PDE4D: variants seen among roughly 807,000 people sequenced by gnomAD.
PDE4D encodes 3',5'-cyclic-AMP phosphodiesterase 4D.
In PDE4D, 24 loss-of-function variants were observed where a neutral mutation model predicts 87.4. That is an observed-to-expected ratio of 0.27 (90% CI 0.20 to 0.39). The LOEUF (loss-of-function observed/expected upper bound fraction) is 0.39, where lower values mean the gene tolerates loss of function less well. Ranked by LOEUF, PDE4D falls within the 10% of genes least tolerant of loss-of-function variation. The probability of loss-of-function intolerance (pLI) is 1.00; values close to 1 mark genes in which losing one functional copy is unlikely to be tolerated. For missense variants in PDE4D, 714 were observed against 1,041.0 expected (o/e 0.69, Z 4.32); for synonymous variants, 384 against 383.2 (o/e 1.00, Z -0.02).
upstream of PDE4D, among the ~76,000 whole-genome samples, chr5:59,893,989 C>T (rs1751364831): frequency 6.6e-6 from 1 of 152,118 alleles, no homozygotes; most frequent in African/African-American, 2.4e-5. Flanking sequence ...GGATTGTCAG[C>T]AACTCGGGCT....
chr5:59,752,304 G>A (rs1301461727), intron 1 of PDE4D, among the ~76,000 whole-genome samples: 4 of 152,108 alleles, frequency 2.6e-5, no homozygotes, highest in Non-Finnish European at 5.9e-5. Flanking sequence ...TCTTTCAAGA[G>A]GTCTTTTTGT....
intron 5 of PDE4D, among the ~76,000 whole-genome samples, chr5:59,073,434 A>T (rs548972403): frequency 1.3e-5 from 2 of 149,532 alleles, no homozygotes; most frequent in South Asian, 4.3e-4. Context: ...TATGGCAGGT[A>T]CAAAAATGTG....
intron 1 of PDE4D, among the ~76,000 whole-genome samples, chr5:59,844,247 G>A (rs1172372957): frequency 2.0e-5 from 3 of 151,970 alleles, no homozygotes; most frequent in Admixed American, 6.6e-5. Context: ...GCAAATTTTA[G>A]AACTAAGAAA....
chr5:59,275,398 C>T (rs757734309), intron 1 of PDE4D: 1 of 1,595,778 alleles, frequency 6.3e-7, no homozygotes, highest in Admixed American at 1.7e-5. Context: ...CATAATAATG[C>T]TCATTTTGAA....
intron 2 of PDE4D, among the ~76,000 whole-genome samples, chr5:60,115,769 A>G (rs913564779): frequency 2.6e-5 from 4 of 152,142 alleles, no homozygotes; most frequent in African/African-American, 4.8e-5. Context: ...ACACAATTCC[A>G]TTGTATTATA....
At chr5:59,534,208 T>C (rs1814729534) in intron 1 of PDE4D, among the ~76,000 whole-genome samples, 1 of 152,202 alleles carries the variant, frequency 6.6e-6, no homozygotes, top group Non-Finnish European at 1.5e-5. Flanking sequence ...TGCTCTAAAA[T>C]TTTATTGGCA....
At chr5:60,471,088 T>G (rs1220040123) in intron 1 of PDE4D, among the ~76,000 whole-genome samples, 1 of 152,070 alleles carries the variant, frequency 6.6e-6, no homozygotes, top group Non-Finnish European at 1.5e-5. Flanking sequence ...TCATGACTCA[T>G]GGGAGGAGGC....
At chr5:59,644,821 T>C (rs1197248349) in intron 1 of PDE4D, among the ~76,000 whole-genome samples, 2 of 152,252 alleles carry the variant, frequency 1.3e-5, no homozygotes, top group Non-Finnish European at 2.9e-5. Context: ...TTCAGTGAAT[T>C]GGGCTTTCAT....
intron 1 of PDE4D, among the ~76,000 whole-genome samples, chr5:59,389,627 A>G (rs912448931): frequency 1.4e-4 from 22 of 152,178 alleles, no homozygotes; most frequent in African/African-American, 5.1e-4. Flanking sequence ...AAATCAGTAT[A>G]TTAAAAGTAC....
rs755406685 is a variant in PDE4D, at chr5:58,973,798, C to T, written c.*866G>A. 4.6e-5 allele frequency: 7 copies of T among 152,474 alleles called. No individual in the cohort carries two copies. The highest frequency in any genetic ancestry group is 8.8e-5 in the Non-Finnish European group (6 of 67,996). 9.4% of individuals were successfully genotyped at this position (152,474 alleles called of 1,614,324 possible). Reference sequence around the variant, plus strand: ...ATGCAAAGTAAATAATAAAGACTTACAAAAAGGGTTTCCTGCAACATAAAG... The same window carrying T: ...ATGCAAAGTAAATAATAAAGACTTATAAAAAGGGTTTCCTGCAACATAAAG... On this transcript the variant is annotated 3_prime_UTR_variant, in exon 15 of 15. Coordinates refer to ENST00000340635, the MANE Select transcript of PDE4D (RefSeq NM_001104631.2).
At chr5:59,785,732 C>T (rs1028495256) in intron 1 of PDE4D, among the ~76,000 whole-genome samples, 2 of 152,172 alleles carry the variant, frequency 1.3e-5, no homozygotes, top group African/African-American at 2.4e-5. Context: ...TTGGTATGGA[C>T]TTTCCAGTGA....
At chr5:60,052,173 C>T (rs758204570) in intron 2 of PDE4D, among the ~76,000 whole-genome samples, 12 of 152,140 alleles carry the variant, frequency 7.9e-5, no homozygotes, top group African/African-American at 2.7e-4. Flanking sequence ...AGAGGGAGTC[C>T]TCCCTAACTC....
At chr5:60,438,019 T>A (rs1435202683) in intron 1 of PDE4D, among the ~76,000 whole-genome samples, 1 of 152,158 alleles carries the variant, frequency 6.6e-6, no homozygotes, top group African/African-American at 2.4e-5. Context: ...GTGGGCACTA[T>A]CTGAGAATGG....
intron 2 of PDE4D, among the ~76,000 whole-genome samples, chr5:60,106,028 A>G (rs1280297337): frequency 6.6e-6 from 1 of 152,190 alleles, no homozygotes; most frequent in Non-Finnish European, 1.5e-5. Context: ...AAATGTAAAT[A>G]GAGTAAATGC....
intron 1 of PDE4D, among the ~76,000 whole-genome samples, chr5:59,657,042 G>A (rs1277605505): frequency 6.6e-6 from 1 of 152,150 alleles, no homozygotes; most frequent in East Asian, 1.9e-4. Context: ...CACGTGGCAA[G>A]AATTCAATAA....
chr5:60,333,911 G>A (rs1300471917), intron 1 of PDE4D, among the ~76,000 whole-genome samples: 1 of 152,052 alleles, frequency 6.6e-6, no homozygotes, highest in African/African-American at 2.4e-5. Flanking sequence ...AATACACAAC[G>A]GGTCAATATC....
At chr5:59,535,168 C>A (rs554942453) in intron 1 of PDE4D, among the ~76,000 whole-genome samples, 1 of 151,730 alleles carries the variant, frequency 6.6e-6, no homozygotes, top group African/African-American at 2.4e-5. Context: ...CCTGGGAGTC[C>A]GAGCAAGTAG....
chr5:60,375,134 A>G (rs1761334743), intron 1 of PDE4D, among the ~76,000 whole-genome samples: 1 of 152,088 alleles, frequency 6.6e-6, no homozygotes, highest in African/African-American at 2.4e-5. Flanking sequence ...CTACTTCTAA[A>G]CTTTCTCAAA....
At chr5:59,098,160 G>C (rs1463127353) in intron 5 of PDE4D, among the ~76,000 whole-genome samples, 1 of 151,974 alleles carries the variant, frequency 6.6e-6, no homozygotes, top group African/African-American at 2.4e-5. Context: ...TTCACATATG[G>C]TGATTATGTT....
Sources: allele counts gnomAD v4.1 joint callset (sites outside exome capture counted in the v4.1 genomes callset), GRCh38; gene constraint gnomAD v4.1.1; transcripts MANE v1.5; gene names NCBI Gene and HGNC (gene_info 2026-07-23, HGNC 2026-07-21).